CCDC170: variants seen among roughly 807,000 people sequenced by gnomAD.
CCDC170 encodes the protein coiled-coil domain containing 170.
CCDC170 carries 69 observed loss-of-function variants against 72.6 expected under a neutral mutation model. The observed-to-expected ratio is 0.95, with a 90% CI of 0.78 to 1.16. The LOEUF is 1.16. Ranked by LOEUF, CCDC170 falls within the 50% of genes most tolerant of loss-of-function variation. The probability of loss-of-function intolerance (pLI) is 0.00; values close to 1 mark genes in which losing one functional copy is unlikely to be tolerated. For missense variants in CCDC170, 852 were observed against 832.5 expected, an observed-to-expected ratio of 1.02 and a Z score of -0.29; for synonymous variants, 300 against 303.9, an observed-to-expected ratio of 0.99 and a Z score of 0.13.
rs779650559 is a variant in CCDC170 at position 151,540,373 on chromosome 6, C to CTTTTTTTTTTTTTTTTT, written c.443+2085_443+2101dup. Among the ~76,000 whole-genome samples the CTTTTTTTTTTTTTTTTT allele has an allele frequency of 1.8e-3, 70 of 37,984 alleles. 20 individuals are homozygous for CTTTTTTTTTTTTTTTTT. The highest frequency in any genetic ancestry group is 2.7e-3 in the South Asian group (1 of 376). The allele number at this position is 37,984 out of a possible 152,430, so 24.9% of individuals were successfully genotyped here. On this transcript the variant is annotated intron_variant, in intron 3 of 10. Coordinates refer to ENST00000239374, the MANE Select transcript of CCDC170 (RefSeq NM_025059.4). ...CCTCCTCCTCCTTCTTCTGCTGCTG[C>CTTTTTTTTTTTTTTTTT]TTTTTTTTTTTTTTTTTTTTTTTTT... is the stretch of plus-strand genomic sequence containing the variant.
chr6:151,595,685 C>A (rs1394501100), intron 8 of CCDC170, among the ~76,000 whole-genome samples: 1 of 152,024 alleles, frequency 6.6e-6, no homozygotes, highest in Non-Finnish European at 1.5e-5. Context: ...GGTGTGGTGG[C>A]ATGCATCACA....
intron 5 of CCDC170, among the ~76,000 whole-genome samples, chr6:151,567,861 C>A (rs1250721255): frequency 6.6e-6 from 1 of 151,918 alleles, no homozygotes; most frequent in Non-Finnish European, 1.5e-5. Flanking sequence ...GTAATCCCAG[C>A]ACTTTGGGAG....
In CCDC170 at chr6:151,591,109, TATAA is replaced by T. The variant is rs573868866; in HGVS notation, c.1294-1993_1294-1990del. ...TTGCCAAAATTGGAAAATATACACT[TATAA>T]ATAATTTCATCCTGATAATTAAAAC... On this transcript the variant is annotated intron_variant, in intron 7 of 10. Coordinates refer to ENST00000239374, the MANE Select transcript of CCDC170 (RefSeq NM_025059.4). 3.3e-5 allele frequency among the ~76,000 whole-genome samples: 5 copies of T among 152,214 alleles called. No homozygotes were observed. In the South Asian group the frequency reaches 1.0e-3, roughly 32 times the overall value.
At chr6:151,543,247 G>A (rs917241165) in intron 3 of CCDC170, among the ~76,000 whole-genome samples, 2 of 151,976 alleles carry the variant, frequency 1.3e-5, no homozygotes, top group Non-Finnish European at 1.5e-5. Context: ...TATTCATAAT[G>A]GACCATAAAT....
At chr6:151,536,922 T>C (rs1782598128) in intron 2 of CCDC170, among the ~76,000 whole-genome samples, 1 of 152,084 alleles carries the variant, frequency 6.6e-6, no homozygotes, top group South Asian at 2.1e-4. Flanking sequence ...CCTGAAAAGT[T>C]ATGCATTTGC....
intron 1 of CCDC170, among the ~76,000 whole-genome samples, chr6:151,532,433 C>A (rs1209393888): frequency 2.6e-5 from 4 of 151,778 alleles, no homozygotes; most frequent in Non-Finnish European, 5.9e-5. Flanking sequence ...ATGGTGAAAC[C>A]CTGTCTCTAC....
intron 9 of CCDC170, among the ~76,000 whole-genome samples, chr6:151,605,012 A>G (rs1776762951): frequency 6.6e-6 from 1 of 152,158 alleles, no homozygotes; most frequent in African/African-American, 2.4e-5. Context: ...TCCAGCTGTA[A>G]TTCTGTATCC....
In CCDC170 at chr6:151,582,986, CTTTTTTTTT is replaced by C. The variant is rs35947074; in HGVS notation, c.1093-2887_1093-2879del. 1.9e-4 allele frequency among the ~76,000 whole-genome samples: 18 copies of C among 94,238 alleles called. No individual in the cohort carries two copies. The East Asian group carries it at 4.7e-3, about 25-fold the overall frequency. 61.8% of individuals were successfully genotyped at this position (94,238 alleles called of 152,430 possible). ...TATCAGTGTGTTTACTGGAGTAGCA[CTTTTTTTTT>C]TTTTTTTTTTTTTTTGAGACGGAGT... On this transcript the variant is annotated intron_variant, in intron 6 of 10. Transcript: ENST00000239374.
chr6:151,592,806 G>T (rs1172767473), intron 7 of CCDC170, among the ~76,000 whole-genome samples: 1 of 152,202 alleles, frequency 6.6e-6, no homozygotes, highest in Non-Finnish European at 1.5e-5. Flanking sequence ...GAGAGATGAA[G>T]ATGTCATCAA....
intron 7 of CCDC170, among the ~76,000 whole-genome samples, chr6:151,592,846 TAAGAA>T (rs1377807029): frequency 6.6e-6 from 1 of 152,122 alleles, no homozygotes; most frequent in Non-Finnish European, 1.5e-5. Flanking sequence ...TTGGCAGAGT[TAAGAA>T]AAGTATATAA....
intron 1 of CCDC170, among the ~76,000 whole-genome samples, chr6:151,502,418 T>C (rs1350401977): frequency 3.3e-5 from 5 of 152,234 alleles, no homozygotes; most frequent in Non-Finnish European, 7.3e-5. Flanking sequence ...TTCCTTTTCA[T>C]TGACTGAATT....
At chr6:151,569,814 C>T (rs958245002) in intron 5 of CCDC170, among the ~76,000 whole-genome samples, 6 of 152,130 alleles carry the variant, frequency 3.9e-5, no homozygotes, top group African/African-American at 9.7e-5. Flanking sequence ...ACTAAGGGAG[C>T]GACCATCCCC....
chr6:151,548,221 T>G, intron 4 of CCDC170, 83 bp from the exon 5 acceptor site: 1 of 1,179,436 alleles, frequency 8.5e-7, no homozygotes, highest in Non-Finnish European at 1.1e-6. Context: ...CATATGATAA[T>G]GCAGTCTATA....
intron 9 of CCDC170, among the ~76,000 whole-genome samples, chr6:151,597,978 C>A (rs73780813): frequency 0.081 from 12,349 of 152,214 alleles, 550 homozygotes; most frequent in African/African-American, 0.11. Context: ...TGTTTTAGAA[C>A]ATATTTTCCA....
intron 1 of CCDC170, among the ~76,000 whole-genome samples, chr6:151,503,005 T>A (rs955066576): frequency 6.6e-6 from 1 of 151,982 alleles, no homozygotes; most frequent in African/African-American, 2.4e-5. Context: ...CCGTCTCTAC[T>A]AAAAATACAA....
intron 1 of CCDC170, among the ~76,000 whole-genome samples, chr6:151,535,855 C>T (rs915215798): frequency 1.3e-5 from 2 of 152,108 alleles, no homozygotes; most frequent in African/African-American, 4.8e-5. Flanking sequence ...AAGTGATCCT[C>T]CTGCCTCAGC....
chr6:151,543,818 T>C (rs1157607593), intron 3 of CCDC170, among the ~76,000 whole-genome samples: 2 of 152,218 alleles, frequency 1.3e-5, no homozygotes, highest in East Asian at 1.9e-4. Context: ...TTTAAAAGGC[T>C]GAGTAGTATT....
intron 6 of CCDC170, among the ~76,000 whole-genome samples, chr6:151,579,755 C>T (rs1776355776): frequency 6.6e-6 from 1 of 152,188 alleles, no homozygotes; most frequent in African/African-American, 2.4e-5. Flanking sequence ...TTTAGCTCCT[C>T]ATGGCGACAG....
rs555316735 is a variant in CCDC170, at chr6:151,531,286, T to C, written c.58-5032T>C. On this transcript the variant is annotated intron_variant, in intron 1 of 10. Transcript: ENST00000239374. ...CATTATAAACCAAATAAATTTAAGA[T>C]AGACTTAAAGCACTGAATATAAAAA... Among the ~76,000 whole-genome samples, 5 of 152,308 alleles carry C rather than the reference T, an allele frequency of 3.3e-5. No homozygotes were observed. In the South Asian group the frequency reaches 6.2e-4, roughly 19 times the overall value.
Sources: allele counts gnomAD v4.1 joint callset (sites outside exome capture counted in the v4.1 genomes callset), GRCh38; gene constraint gnomAD v4.1.1; transcripts MANE v1.5; gene names NCBI Gene and HGNC (gene_info 2026-07-23, HGNC 2026-07-21).